Variants in GON4L observed in about 807,000 individuals in gnomAD.
The protein encoded by GON4L is gon-4 like.
In GON4L, 87 loss-of-function variants were observed where a neutral mutation model predicts 211.8. That is an observed-to-expected ratio of 0.41 (90% CI 0.35 to 0.49). The LOEUF (loss-of-function observed/expected upper bound fraction) is 0.49. Ranked by LOEUF, GON4L falls within the 20% of genes least tolerant of loss-of-function variation. The probability of loss-of-function intolerance (pLI) is 0.15; values close to 1 mark genes in which losing one functional copy is unlikely to be tolerated. For synonymous variants in GON4L, 875 were observed against 962.6 expected (o/e 0.91, Z 1.68); for missense variants, 2,155 against 2,659.5 (o/e 0.81, Z 4.17).
At chr1:155,830,325 T>G (rs1353409298) in intron 2 of GON4L, among the ~76,000 whole-genome samples, 1 of 151,844 alleles carries the variant, frequency 6.6e-6, no homozygotes, top group East Asian at 1.9e-4. Context: ...TTGCCTAAGC[T>G]GGAGTGCAAT....
chr1:155,825,822 C>G (rs1371425448), intron 3 of GON4L, among the ~76,000 whole-genome samples: 3 of 151,904 alleles, frequency 2.0e-5, no homozygotes, highest in Non-Finnish European at 4.4e-5. Flanking sequence ...GCAGGCAGAT[C>G]ACCTGAGGTC....
intron 3 of GON4L, 138 bp from the exon 4 acceptor site, chr1:155,822,614 A>G: frequency 2.8e-6 from 2 of 706,868 alleles, no homozygotes; most frequent in Non-Finnish European, 5.1e-6. Flanking sequence ...GACACATATT[A>G]TATGACGGTA....
At chr1:155,783,498 T>C (rs28582361) in intron 14 of GON4L, among the ~76,000 whole-genome samples, 61,886 of 152,080 alleles carry the variant, frequency 0.41, 13,112 homozygotes, top group East Asian at 0.7. Flanking sequence ...TTCTGGATGC[T>C]GTAACACAAG....
At chr1:155,756,536 A>G in intron 27 of GON4L, 1 of 181,112 alleles carries the variant, frequency 5.5e-6, no homozygotes, top group Non-Finnish European at 1.2e-5. Flanking sequence ...TGAACTAGAA[A>G]CCTTGGGCCA....
upstream of GON4L, among the ~76,000 whole-genome samples, chr1:155,858,149 T>A (rs533866417): frequency 6.6e-6 from 1 of 152,294 alleles, no homozygotes; most frequent in Middle Eastern, 3.4e-3. Flanking sequence ...GTGTAACAGA[T>A]GTTCAATAAT....
intron 6 of GON4L, among the ~76,000 whole-genome samples, chr1:155,818,309 G>T (rs186533942): frequency 6.6e-6 from 1 of 151,826 alleles, no homozygotes; most frequent in Non-Finnish European, 1.5e-5. Flanking sequence ...ACGGGGTTTC[G>T]CCATGTTGGC....
At chr1:155,824,260 T>C (rs963194436) in intron 3 of GON4L, among the ~76,000 whole-genome samples, 2 of 136,174 alleles carry the variant, frequency 1.5e-5, no homozygotes, top group African/African-American at 5.4e-5. Context: ...CTGTCTCTAC[T>C]AAAAAAAAAA....
chr1:155,781,654 G>A (rs746984907), intron 14 of GON4L, among the ~76,000 whole-genome samples: 19 of 151,732 alleles, frequency 1.3e-4, no homozygotes, highest in Non-Finnish European at 2.1e-4. Context: ...GTAGAGACGG[G>A]GTTTCACCAT....
chr1:155,841,210 T>C (rs974687917), intron 2 of GON4L, among the ~76,000 whole-genome samples: 2 of 152,256 alleles, frequency 1.3e-5, no homozygotes, highest in African/African-American at 2.4e-5. Context: ...GCAGGGCTTA[T>C]GACTTTTTTG....
chr1:155,776,759 C>T (rs1348596793), intron 15 of GON4L, among the ~76,000 whole-genome samples: 1 of 152,058 alleles, frequency 6.6e-6, no homozygotes, highest in East Asian at 1.9e-4. Context: ...CACTATGTTG[C>T]TCAGGTTGCT....
At position 155,785,318 on chromosome 1, in the gene GON4L, G is replaced by A. The variant is rs746704086; in HGVS notation, c.1788+16C>T. 33 of 1,533,086 alleles carry A rather than the reference G, an allele frequency of 2.2e-5. No homozygotes were observed. The highest frequency in any genetic ancestry group is 1.7e-4 in the Middle Eastern group (1 of 5,972). 95.0% of individuals were successfully genotyped at this position (1,533,086 alleles called of 1,614,324 possible). ...GACTTAAAATCCCGTGTTCTCACTC[G>A]AGGATCATTACTCACAGTTTCAAAC... On this transcript the variant is annotated intron_variant, in intron 13 of 31. Coordinates refer to ENST00000368331, the MANE Select transcript of GON4L (RefSeq NM_001282860.2).
rs528549755 is a variant in GON4L at position 155,826,677 on chromosome 1, T to C, written c.697+160A>G. On this transcript the variant is annotated intron_variant, in intron 3 of 31. Transcript: ENST00000368331. Reference sequence around the variant, plus strand: ...GGAAGACAAGATGGACTTCTGGGTATTGATAACATTCTCTATCTTGATCTG... The same window carrying C: ...GGAAGACAAGATGGACTTCTGGGTACTGATAACATTCTCTATCTTGATCTG... Among the ~76,000 whole-genome samples, 3 of 152,310 alleles carry C rather than the reference T, an allele frequency of 2.0e-5. No homozygotes were observed. The East Asian group carries it at 5.8e-4, about 29-fold the overall frequency.
chr1:155,762,195 T>C lies in GON4L; in HGVS notation c.4906A>G (p.Thr1636Ala), dbSNP rs1367057147. 5 of 1,604,906 alleles carry C rather than the reference T, an allele frequency of 3.1e-6. No individual in the cohort carries two copies. In the Admixed American group the frequency reaches 8.6e-5, roughly 27 times the overall value. Residue 1636 changes from threonine (T) to alanine (A), a missense_variant, in exon 23 of 32, where the codon ACC (threonine) becomes GCC (alanine). This residue lies in a region of GON4L where 455 missense variants were observed against 504.6 expected (regional missense o/e 0.90). Coordinates refer to ENST00000368331, the MANE Select transcript of GON4L (RefSeq NM_001282860.2). ...KDLAFAQAYL[T>A]RVREALQHIP... ...AGGAAGCAGCATTTGCCTACCCTGG[T>C]CAGATAAGCTTGGGCAAAGGCCAAG...
intron 8 of GON4L, among the ~76,000 whole-genome samples, chr1:155,815,358 T>C (rs1644744521): frequency 1.3e-5 from 2 of 152,182 alleles, no homozygotes; most frequent in South Asian, 2.1e-4. Context: ...GGTCCATTTA[T>C]ATAAAGTTCA....
intron 10 of GON4L, among the ~76,000 whole-genome samples, chr1:155,807,713 AAAAAAAAAAAAAG>A (rs1035608695): frequency 6.7e-6 from 1 of 148,316 alleles, no homozygotes; most frequent in African/African-American, 2.5e-5. Flanking sequence ...CAAAAAAAAA[AAAAAAAAAAAAAG>A]AAAATCAGAA....
intron 2 of GON4L, chr1:155,845,841 CCAGTGAAA>C (rs1211346460): frequency 2.0e-5 from 5 of 250,846 alleles, no homozygotes; most frequent in Non-Finnish European, 4.0e-5. Flanking sequence ...GAGCATGTGA[CCAGTGAAA>C]CTGCAGCAGA....
chr1:155,847,143 G>C (rs567732241), intron 2 of GON4L, among the ~76,000 whole-genome samples: 231 of 152,300 alleles, frequency 1.5e-3, no homozygotes, highest in Non-Finnish European at 1.9e-3. Context: ...GTTGAACACC[G>C]TGAGTTCGAA....
In GON4L at chr1:155,765,625, G is replaced by A. The variant is rs2101737944; in HGVS notation, c.3848C>T (p.Ser1283Leu). The A allele has an allele frequency of 6.2e-7, 1 of 1,614,200 alleles. No homozygotes were observed. Among genetic ancestry groups the A allele is most frequent in the Admixed American group, 1.7e-5 (1 of 60,034 alleles). The change falls in exon 21 of 32, where the codon TCA becomes TTA. Residue 1283 changes from serine to leucine, a missense_variant. Ser to Leu is a moderately radical substitution (Grantham distance 145). This residue lies in a region of GON4L where 615 missense variants were observed against 625.7 expected (regional missense o/e 0.98). Transcript: ENST00000368331. ...LADAECQEGL[S>L]ENSACRWTVV... The stretch of plus-strand genomic sequence containing the variant: ...GGTCCAGCGACAGGCACTATTCTCT[G>A]ACAATCCTTCTTGGCACTCTGCATC...
chr1:155,832,781 C>G (rs1180465873), intron 2 of GON4L: 1 of 152,098 alleles, frequency 6.6e-6, no homozygotes, highest in African/African-American at 2.4e-5. Flanking sequence ...CTTTCATAAT[C>G]AGAAAACTAA....
Sources: allele counts gnomAD v4.1 joint callset (sites outside exome capture counted in the v4.1 genomes callset), GRCh38; gene constraint gnomAD v4.1.1; regional missense constraint gnomAD v4.1.1; transcripts MANE v1.5; gene names NCBI Gene and HGNC (gene_info 2026-07-23, HGNC 2026-07-21).